The following RUFY3 variants were observed in gnomAD, a reference collection of about 807,000 sequenced individuals.
RUFY3 encodes the protein RUN and FYVE domain containing 3, also known as protein RUFY3.
A neutral mutation model predicts 84.0 loss-of-function variants in RUFY3; 34 were observed. That is an observed-to-expected ratio of 0.40 (90% CI 0.31 to 0.54). RUFY3 has a LOEUF of 0.54. Among genes scored for constraint, RUFY3 ranks in the 20% least tolerant of loss-of-function variants. The pLI is 0.39. For missense variants in RUFY3, 507 were observed against 736.8 expected, an observed-to-expected ratio of 0.69 and a Z score of 3.61; for synonymous variants, 242 against 252.9, an observed-to-expected ratio of 0.96 and a Z score of 0.41.
chr4:70,766,838 C>A (rs1023582474), intron 4 of RUFY3, among the ~76,000 whole-genome samples: 6 of 151,980 alleles, frequency 3.9e-5, no homozygotes, highest in Admixed American at 3.9e-4. Flanking sequence ...ATTATAGTAC[C>A]ATACAAAATA....
intron 1 of RUFY3, among the ~76,000 whole-genome samples, chr4:70,711,089 AAAG>A (rs1191866629): frequency 2.8e-4 from 42 of 148,432 alleles, no homozygotes; most frequent in Admixed American, 2.3e-3. Flanking sequence ...AAAAAAAAAA[AAAG>A]AAGTATGTCA....
upstream of RUFY3, among the ~76,000 whole-genome samples, chr4:70,717,074 G>C (rs1291341012): frequency 6.6e-6 from 1 of 152,108 alleles, no homozygotes; most frequent in East Asian, 1.9e-4. Context: ...GAAGCAAGAA[G>C]GAGCACATAA....
In RUFY3 at chr4:70,806,775, AT is replaced by A; in HGVS notation, c.*119del. The A allele has an allele frequency of 7.7e-7, 1 of 1,296,898 alleles. No homozygotes were observed. The highest frequency in any genetic ancestry group is 1.1e-6 in the Non-Finnish European group (1 of 939,754). 80.3% of individuals were successfully genotyped at this position (1,296,898 alleles called of 1,614,324 possible). On this transcript the variant is annotated 3_prime_UTR_variant, in exon 18 of 18. Transcript: ENST00000381006. ...AGAGTCAACTAAAGAGTTGATAGGA[AT>A]TTACTAGGTCCAGGGAGAAAAGGCA...
At chr4:70,798,563 C>T (rs530398938) in intron 14 of RUFY3, among the ~76,000 whole-genome samples, 85 of 152,228 alleles carry the variant, frequency 5.6e-4, no homozygotes, top group African/African-American at 1.9e-3. Flanking sequence ...GGGTGGATTG[C>T]CTGAGCCCAG....
upstream of RUFY3, among the ~76,000 whole-genome samples, chr4:70,717,946 G>A (rs561042131): frequency 4.2e-5 from 6 of 142,778 alleles, no homozygotes; most frequent in South Asian, 4.5e-4. Context: ...GCAGTGGCGC[G>A]ATCTTGGCTT....
At chr4:70,759,409 ATTTCT>A (rs1724642152) in intron 1 of RUFY3, among the ~76,000 whole-genome samples, 1 of 149,650 alleles carries the variant, frequency 6.7e-6, no homozygotes, top group Non-Finnish European at 1.5e-5. Flanking sequence ...TGTATACCAC[ATTTCT>A]TTATTCATGT....
chr4:70,775,063 C>G, intron 6 of RUFY3, 105 bp from the exon 7 acceptor site: 1 of 678,550 alleles, frequency 1.5e-6, no homozygotes, highest in African/African-American at 1.9e-5. Flanking sequence ...ATCTGTGCCA[C>G]AATTTTTTTC....
intron 1 of RUFY3, among the ~76,000 whole-genome samples, chr4:70,757,468 G>A (rs1269269109): frequency 6.6e-6 from 1 of 152,094 alleles, no homozygotes; most frequent in African/African-American, 2.4e-5. Flanking sequence ...GCCGCACGTG[G>A]TGGCACATGC....
chr4:70,714,531 G>A (rs1031653260), intron 1 of RUFY3, among the ~76,000 whole-genome samples: 2 of 152,202 alleles, frequency 1.3e-5, no homozygotes, highest in Admixed American at 6.6e-5. Context: ...TGAAGCCAGT[G>A]TTAGACTGAC....
At chr4:70,728,442 A>G (rs977275321) in intron 1 of RUFY3, among the ~76,000 whole-genome samples, 5 of 152,258 alleles carry the variant, frequency 3.3e-5, no homozygotes, top group East Asian at 1.9e-4. Flanking sequence ...TACTGAACAC[A>G]TATCACTTTC....
chr4:70,734,384 C>A (rs1578004369), intron 1 of RUFY3: 1 of 985,326 alleles, frequency 1.0e-6, no homozygotes, highest in South Asian at 4.7e-5. Flanking sequence ...ACATTTGTTG[C>A]CACCAGTGCA....
rs571576823 is a variant in RUFY3, at chr4:70,780,153, T to C, written c.894+1715T>C. On this transcript the variant is annotated intron_variant, in intron 8 of 17. Coordinates refer to ENST00000381006, the MANE Select transcript of RUFY3 (RefSeq NM_001037442.4). ...GGCTTTTGGAATGTTCAGCACAGAT[T>C]TTTTACTGTTATTCTGCTGCTACTA... Among the ~76,000 whole-genome samples the C allele has an allele frequency of 4.7e-4, 72 of 152,298 alleles. 2 individuals carry two copies. The South Asian group carries it at 0.011, about 24-fold the overall frequency.
At chr4:70,803,996 A>C (rs1732565762) in intron 16 of RUFY3, among the ~76,000 whole-genome samples, 1 of 152,034 alleles carries the variant, frequency 6.6e-6, no homozygotes, top group Non-Finnish European at 1.5e-5. Context: ...TGGCCTCCCA[A>C]AGTGCTGGCA....
chr4:70,737,982 C>CTTT (rs747096904), intron 1 of RUFY3, among the ~76,000 whole-genome samples: 2 of 121,252 alleles, frequency 1.6e-5, no homozygotes, highest in East Asian at 2.5e-4. Context: ...CTATTAATTC[C>CTTT]TTTTTTTTTT....
upstream of RUFY3, among the ~76,000 whole-genome samples, chr4:70,721,155 T>C (rs1742235131): frequency 1.3e-5 from 2 of 151,860 alleles, no homozygotes; most frequent in African/African-American, 2.4e-5. Flanking sequence ...CTACTAAAAA[T>C]ACAAAAATTA....
chr4:70,740,024 A>G (rs915546588), intron 1 of RUFY3, among the ~76,000 whole-genome samples: 2 of 151,840 alleles, frequency 1.3e-5, no homozygotes, highest in African/African-American at 4.8e-5. Context: ...AAACACCCAT[A>G]GACCTGTTTC....
intron 1 of RUFY3, among the ~76,000 whole-genome samples, chr4:70,760,599 G>A (rs1578118352): frequency 6.6e-6 from 1 of 151,844 alleles, no homozygotes; most frequent in African/African-American, 2.4e-5. Flanking sequence ...ACACTAGAAT[G>A]TACATACATG....
chr4:70,786,396 T>C (rs1405488174), intron 10 of RUFY3, among the ~76,000 whole-genome samples: 1 of 150,498 alleles, frequency 6.6e-6, no homozygotes, highest in African/African-American at 2.5e-5. Context: ...TTTTTTTTTT[T>C]CTTTTTTTTT....
In RUFY3 at chr4:70,778,358, C is replaced by G. The variant is rs1391241961; in HGVS notation, c.825-11C>G. The G allele has an allele frequency of 2.0e-6, 3 of 1,514,286 alleles. No individual in the cohort carries two copies. Among genetic ancestry groups the G allele is most frequent in the African/African-American group, 1.4e-5 (1 of 72,302 alleles). 93.8% of individuals were successfully genotyped at this position (1,514,286 alleles called of 1,614,324 possible). ...TTCAAAAGTGACTTTTTTTTCTTCT[C>G]TATATTATAGTGCTACTGTAAACAA... On this transcript the variant is annotated splice_polypyrimidine_tract_variant and intron_variant, in intron 7 of 17. Transcript: ENST00000381006.
Sources: gnomAD v4.1 joint callset for allele counts (sites outside exome capture counted in the v4.1 genomes callset) on GRCh38, gnomAD v4.1.1 for gene constraint, MANE v1.5 for transcripts, NCBI Gene and HGNC (gene_info 2026-07-23, HGNC 2026-07-21) for gene names.